HIVEP3: variants seen among roughly 807,000 people sequenced by gnomAD.
HIVEP3 encodes transcription factor HIVEP3.
In HIVEP3, 49 loss-of-function variants were observed where a neutral mutation model predicts 152.8. The ratio of observed to expected loss-of-function variants is 0.32; its 90% CI spans 0.26 to 0.41. The LOEUF (loss-of-function observed/expected upper bound fraction) is 0.41, where lower values mean the gene tolerates loss of function less well. HIVEP3 is among the 10% of genes least tolerant of loss of function. The probability of loss-of-function intolerance (pLI) is 1.00; values close to 1 mark genes in which losing one functional copy is unlikely to be tolerated. For missense variants in HIVEP3, 2,790 were observed against 3,103.3 expected, an observed-to-expected ratio of 0.90 and a Z score of 2.40; for synonymous variants, 1,269 against 1,289.0, an observed-to-expected ratio of 0.98 and a Z score of 0.33.
chr1:41,989,898 A>C (rs1645349414), intron 1 of HIVEP3, among the ~76,000 whole-genome samples: 1 of 142,468 alleles, frequency 7.0e-6, no homozygotes, highest in Non-Finnish European at 1.5e-5. Flanking sequence ...TGTGTCTTTT[A>C]ATTGGAGCAT....
At chr1:41,934,197 T>C (rs1385572105) in intron 1 of HIVEP3, among the ~76,000 whole-genome samples, 4 of 152,168 alleles carry the variant, frequency 2.6e-5, no homozygotes, top group Non-Finnish European at 4.4e-5. Context: ...ATGGGGTTCA[T>C]GGAGAAATGA....
At chr1:42,006,879 G>A (rs775601911) in intron 1 of HIVEP3, among the ~76,000 whole-genome samples, 12 of 152,196 alleles carry the variant, frequency 7.9e-5, no homozygotes, top group Admixed American at 5.2e-4. Context: ...CTAGCCAAAT[G>A]TTATCGACTT....
chr1:41,553,029 C>G (rs912750676), intron 5 of HIVEP3, among the ~76,000 whole-genome samples: 5 of 152,198 alleles, frequency 3.3e-5, no homozygotes, highest in Non-Finnish European at 7.3e-5. Flanking sequence ...TGGTGCAGAC[C>G]TGAGTTCACG....
chr1:41,970,912 A>G (rs1342866623), intron 1 of HIVEP3, among the ~76,000 whole-genome samples: 2 of 152,198 alleles, frequency 1.3e-5, no homozygotes, highest in Non-Finnish European at 2.9e-5. Flanking sequence ...TACAGGTTTC[A>G]GAGGAAGCTG....
intron 1 of HIVEP3, among the ~76,000 whole-genome samples, chr1:41,973,356 AT>A (rs1645241169): frequency 6.6e-6 from 1 of 152,222 alleles, no homozygotes; most frequent in Non-Finnish European, 1.5e-5. Flanking sequence ...CTTACCCAAG[AT>A]ACCTGCTAGA....
intron 1 of HIVEP3, among the ~76,000 whole-genome samples, chr1:41,797,692 TG>T (rs781172267): frequency 1.7e-4 from 26 of 152,278 alleles, no homozygotes; most frequent in Admixed American, 2.6e-4. Context: ...TACTTGAATT[TG>T]TTTTAAAAAA....
rs1198736808 is a variant in HIVEP3 at position 41,908,303 on chromosome 1, C to T, written c.-801+10110G>A. On this transcript the variant is annotated intron_variant, in intron 1 of 8. Transcript: ENST00000372583. ...TTACTAAGAAAGAATAATTAACTCCCTAGTACCTGATATACTTTTGCATTT... is the reference window on the plus strand; with the variant it reads ...TTACTAAGAAAGAATAATTAACTCCTTAGTACCTGATATACTTTTGCATTT... Among the ~76,000 whole-genome samples, 4 of 152,152 alleles carry T rather than the reference C, an allele frequency of 2.6e-5. No homozygotes were observed. In the East Asian group the frequency reaches 5.8e-4, roughly 22 times the overall value.
At chr1:41,745,289 A>T (rs1352902185) in intron 1 of HIVEP3, among the ~76,000 whole-genome samples, 2 of 152,186 alleles carry the variant, frequency 1.3e-5, no homozygotes, top group Non-Finnish European at 2.9e-5. Context: ...AAGCAGCCCT[A>T]AGGTGGGAGG....
chr1:41,766,616 A>G (rs1304757249), intron 1 of HIVEP3, among the ~76,000 whole-genome samples: 1 of 152,228 alleles, frequency 6.6e-6, no homozygotes, highest in Non-Finnish European at 1.5e-5. Context: ...TGCACAGCTA[A>G]TCAATGGTGT....
intron 2 of HIVEP3, among the ~76,000 whole-genome samples, chr1:41,645,226 T>C (rs1301281344): frequency 6.6e-6 from 1 of 152,196 alleles, no homozygotes; most frequent in Non-Finnish European, 1.5e-5. Context: ...TTGTTCCTCT[T>C]GGACCCCCAG....
At chr1:41,855,696 C>T (rs567305173) in intron 1 of HIVEP3, among the ~76,000 whole-genome samples, 2 of 152,322 alleles carry the variant, frequency 1.3e-5, no homozygotes, top group East Asian at 3.9e-4. Flanking sequence ...AGATATGGCT[C>T]TATCTCCCCC....
chr1:42,028,017 G>A (rs1645592218), intron 1 of HIVEP3, among the ~76,000 whole-genome samples: 1 of 152,102 alleles, frequency 6.6e-6, no homozygotes. Context: ...TTTCTTCATG[G>A]CTTACTTTTT....
chr1:41,838,149 TCA>T (rs1368002293), intron 1 of HIVEP3, among the ~76,000 whole-genome samples: 1 of 152,214 alleles, frequency 6.6e-6, no homozygotes, highest in Admixed American at 6.5e-5. Context: ...AATTGTAGAT[TCA>T]CACAGAGTTG....
At chr1:41,651,284 G>A (rs1255143814) in intron 2 of HIVEP3, among the ~76,000 whole-genome samples, 2 of 151,990 alleles carry the variant, frequency 1.3e-5, no homozygotes, top group East Asian at 1.9e-4. Flanking sequence ...GGTGGCACAC[G>A]CTTGTAATCC....
chr1:41,729,062 C>T (rs1406624547), intron 1 of HIVEP3, among the ~76,000 whole-genome samples: 2 of 152,172 alleles, frequency 1.3e-5, no homozygotes, highest in Admixed American at 6.5e-5. Context: ...GCCTTGGCCA[C>T]GTGCTTCCCC....
intron 3 of HIVEP3, among the ~76,000 whole-genome samples, chr1:41,589,470 G>A (rs145171143): frequency 1.8e-3 from 278 of 152,322 alleles, no homozygotes; most frequent in Non-Finnish European, 3.3e-3. Flanking sequence ...GGAGGAGCCC[G>A]GGGCCAAGGC....
intron 1 of HIVEP3, among the ~76,000 whole-genome samples, chr1:41,777,680 C>T (rs1198854697): frequency 6.6e-6 from 1 of 152,238 alleles, no homozygotes; most frequent in Non-Finnish European, 1.5e-5. Context: ...ATCGGTTAGA[C>T]CTCACCAAGC....
intron 1 of HIVEP3, among the ~76,000 whole-genome samples, chr1:41,893,690 T>TTA (rs1180112920): frequency 1.3e-5 from 2 of 151,256 alleles, no homozygotes; most frequent in South Asian, 4.2e-4. Flanking sequence ...AGCCTCAGGT[T>TTA]TATATATATG....
At chr1:41,748,950 G>C (rs1407002685) in intron 1 of HIVEP3, among the ~76,000 whole-genome samples, 1 of 152,310 alleles carries the variant, frequency 6.6e-6, no homozygotes. Flanking sequence ...GGCTCAGAGT[G>C]TGTGTGCCTT....
Sources: gnomAD v4.1 joint callset for allele counts (sites outside exome capture counted in the v4.1 genomes callset) on GRCh38, gnomAD v4.1.1 for gene constraint, MANE v1.5 for transcripts, NCBI Gene and HGNC (gene_info 2026-07-23, HGNC 2026-07-21) for gene names.